Variants in CAMK2D observed in about 807,000 individuals in gnomAD.
CAMK2D encodes the protein calcium/calmodulin dependent protein kinase II delta.
A neutral mutation model predicts 84.0 loss-of-function variants in CAMK2D; 37 were observed. The ratio of observed to expected loss-of-function variants is 0.44; its 90% CI spans 0.34 to 0.58. The LOEUF (loss-of-function observed/expected upper bound fraction) is 0.58, where lower values mean the gene tolerates loss of function less well. Ranked by LOEUF, CAMK2D falls within the 20% of genes least tolerant of loss-of-function variation. The pLI, the probability that CAMK2D is intolerant of heterozygous loss-of-function variation, is 0.02. For synonymous variants in CAMK2D, 202 were observed against 212.5 expected (o/e 0.95, Z 0.43); for missense variants, 448 against 652.5 (o/e 0.69, Z 3.41).
At chr4:113,608,777 C>T (rs2098987808) in intron 4 of CAMK2D, among the ~76,000 whole-genome samples, 1 of 152,034 alleles carries the variant, frequency 6.6e-6, no homozygotes, top group Non-Finnish European at 1.5e-5. Context: ...AAGTTTCTTC[C>T]TTGAGTCTTC....
Position 113,732,016 on chromosome 4 carries a change from G to T in CAMK2D, c.160+27304C>A, listed in dbSNP as rs144839473. 7.5e-3 allele frequency among the ~76,000 whole-genome samples: 1,139 copies of T among 152,248 alleles called. 8 individuals are homozygous for T. Among genetic ancestry groups the T allele is most frequent in the Non-Finnish European group, 0.012 (791 of 68,022 alleles). On this transcript the variant is annotated intron_variant, in intron 2 of 20. Coordinates refer to ENST00000511664, the MANE Select transcript of CAMK2D (RefSeq NM_001321571.2). Reference sequence around the variant, plus strand: ...GTTCTATGTTAAACACTTTCTGGGTGATGTGAGGTGGGTCATTTCACTCCT... The same window carrying T: ...GTTCTATGTTAAACACTTTCTGGGTTATGTGAGGTGGGTCATTTCACTCCT...
intron 18 of CAMK2D, among the ~76,000 whole-genome samples, chr4:113,458,207 CCTGATTCTGG>C (rs1203829838): frequency 1.3e-5 from 2 of 152,092 alleles, no homozygotes; most frequent in Non-Finnish European, 2.9e-5. Flanking sequence ...TGGCACATAG[CCTGATTCTGG>C]TCTTCCAGCT....
chr4:113,648,399 G>T (rs575859250), intron 3 of CAMK2D, among the ~76,000 whole-genome samples: 1 of 152,270 alleles, frequency 6.6e-6, no homozygotes, highest in Non-Finnish European at 1.5e-5. Context: ...ATACTGTTGG[G>T]CACGTTCATA....
chr4:113,461,734 G>C (rs2097376399), intron 17 of CAMK2D, among the ~76,000 whole-genome samples: 1 of 152,196 alleles, frequency 6.6e-6, no homozygotes, highest in African/African-American at 2.4e-5. Flanking sequence ...TTGCCCCAAA[G>C]GGTAATACAG....
At chr4:113,672,211 T>C (rs1286745003) in intron 2 of CAMK2D, among the ~76,000 whole-genome samples, 3 of 152,208 alleles carry the variant, frequency 2.0e-5, no homozygotes, top group Non-Finnish European at 4.4e-5. Context: ...ACATATCTTA[T>C]ATTACATTAG....
At position 113,520,631 on chromosome 4, in the gene CAMK2D, C is replaced by T. The variant is rs150504862; in HGVS notation, c.602-2974G>A. Among the ~76,000 whole-genome samples the T allele has an allele frequency of 2.6e-3, 392 of 151,192 alleles. 6 individuals carry two copies. The highest frequency in any genetic ancestry group is 0.01 in the Middle Eastern group (3 of 294). On this transcript the variant is annotated intron_variant, in intron 8 of 20. Transcript: ENST00000511664. ...AGTCAATGAAGAAGTCTTTTTTTTGCGAGACCACTTGAGGGGTGATGATGT... is the reference window on the plus strand; with the variant it reads ...AGTCAATGAAGAAGTCTTTTTTTTGTGAGACCACTTGAGGGGTGATGATGT...
intron 2 of CAMK2D, among the ~76,000 whole-genome samples, chr4:113,734,361 G>C (rs1247983536): frequency 1.3e-5 from 2 of 152,088 alleles, no homozygotes; most frequent in African/African-American, 4.8e-5. Context: ...TGTACAAATG[G>C]AAAGGAAGGT....
At chr4:113,489,580 T>G (rs2154136736) in intron 16 of CAMK2D, among the ~76,000 whole-genome samples, 1 of 149,088 alleles carries the variant, frequency 6.7e-6, no homozygotes, top group Admixed American at 6.7e-5. Context: ...TTTGCTATTG[T>G]GAATAATGCC....
intron 16 of CAMK2D, among the ~76,000 whole-genome samples, chr4:113,477,118 G>A (rs1266819433): frequency 6.6e-6 from 1 of 152,110 alleles, no homozygotes; most frequent in Non-Finnish European, 1.5e-5. Context: ...CTGTCTCAGT[G>A]TATTGGCCTT....
intron 3 of CAMK2D, among the ~76,000 whole-genome samples, chr4:113,660,480 C>T (rs1466133476): frequency 6.6e-6 from 1 of 152,122 alleles, no homozygotes; most frequent in East Asian, 1.9e-4. Context: ...GCCTCAACCT[C>T]CTGGGCTCAA....
chr4:113,462,586 T>C (rs941792475), intron 17 of CAMK2D, among the ~76,000 whole-genome samples: 4 of 152,206 alleles, frequency 2.6e-5, no homozygotes, highest in African/African-American at 7.2e-5. Context: ...TAAGTCTCCA[T>C]AGGCAAAGAT....
rs140850024 is a variant in CAMK2D at position 113,544,780 on chromosome 4, C to T, written c.414+2864G>A. Among the ~76,000 whole-genome samples the T allele has an allele frequency of 3.8e-3, 573 of 152,270 alleles. 9 individuals are homozygous for T. The highest frequency in any genetic ancestry group is 5.6e-4 in the Non-Finnish European group (38 of 68,032). Reference sequence around the variant, plus strand: ...ATCCTCCTAATATTATCTAGATCTACATTAATTGGCCTGCCACTGGACACA... The same window carrying T: ...ATCCTCCTAATATTATCTAGATCTATATTAATTGGCCTGCCACTGGACACA... On this transcript the variant is annotated intron_variant, in intron 6 of 20. Coordinates refer to ENST00000511664, the MANE Select transcript of CAMK2D (RefSeq NM_001321571.2).
At chr4:113,553,770 T>C (rs1238702036) in intron 4 of CAMK2D, among the ~76,000 whole-genome samples, 2 of 152,256 alleles carry the variant, frequency 1.3e-5, no homozygotes, top group Non-Finnish European at 2.9e-5. Context: ...TTCCATTTAA[T>C]AGCATAGCTA....
chr4:113,603,629 T>C (rs1254451076), intron 4 of CAMK2D, among the ~76,000 whole-genome samples: 3 of 150,866 alleles, frequency 2.0e-5, no homozygotes, highest in South Asian at 4.2e-4. Context: ...AGACTACTAA[T>C]GCCTTATTGT....
intron 16 of CAMK2D, among the ~76,000 whole-genome samples, chr4:113,485,196 A>G (rs747083819): frequency 6.6e-5 from 10 of 152,150 alleles, no homozygotes; most frequent in Non-Finnish European, 8.8e-5. Context: ...GTCTTTAGCT[A>G]CTCTGTGATC....
At chr4:113,513,013 T>A (rs938270361) in intron 12 of CAMK2D, 3 of 159,912 alleles carry the variant, frequency 1.9e-5, no homozygotes, top group Non-Finnish European at 4.0e-5. Flanking sequence ...AATGAGGGAG[T>A]ATTTATTTCC....
intron 3 of CAMK2D, among the ~76,000 whole-genome samples, chr4:113,613,845 T>C (rs1202054719): frequency 4.6e-5 from 7 of 151,904 alleles, no homozygotes; most frequent in Non-Finnish European, 7.4e-5. Context: ...ATGGACATTA[T>C]GATAACATGG....
chr4:113,472,379 G>T (rs768744544), intron 16 of CAMK2D, among the ~76,000 whole-genome samples: 9 of 152,228 alleles, frequency 5.9e-5, no homozygotes, highest in Non-Finnish European at 8.8e-5. Flanking sequence ...GGATACTTCA[G>T]AGTCTGCATC....
intron 2 of CAMK2D, among the ~76,000 whole-genome samples, chr4:113,673,749 G>A (rs991493644): frequency 6.6e-6 from 1 of 152,174 alleles, no homozygotes. Context: ...TACACCCCCT[G>A]GTGCAAGGAG....
Sources: gnomAD v4.1 joint callset for allele counts (sites outside exome capture counted in the v4.1 genomes callset) on GRCh38, gnomAD v4.1.1 for gene constraint, MANE v1.5 for transcripts, NCBI Gene and HGNC (gene_info 2026-07-23, HGNC 2026-07-21) for gene names.